The following FSIP1 variants were observed in gnomAD, a reference collection of about 807,000 sequenced individuals.
FSIP1 encodes fibrous sheath-interacting protein 1.
A neutral mutation model predicts 60.9 loss-of-function variants in FSIP1; 65 were observed. The observed-to-expected ratio is 1.07, with a 90% CI of 0.87 to 1.31. The LOEUF (loss-of-function observed/expected upper bound fraction) is 1.31. FSIP1 is among the 40% of genes most tolerant of loss of function. The pLI is 0.00. For missense variants in FSIP1, 675 were observed against 665.5 expected (o/e 1.01, Z -0.16); for synonymous variants, 209 against 221.2 (o/e 0.94, Z 0.49).
chr15:39,690,850 C>A (rs1432203942), intron 10 of FSIP1, among the ~76,000 whole-genome samples: 1 of 152,212 alleles, frequency 6.6e-6, no homozygotes, highest in Non-Finnish European at 1.5e-5. Context: ...CACAAGCCCT[C>A]CTTCATGAGC....
downstream of FSIP1, chr15:39,598,056 G>A (rs1890517626): frequency 6.6e-6 from 1 of 152,224 alleles, no homozygotes; most frequent in Admixed American, 6.5e-5. Flanking sequence ...ATAAATGCGT[G>A]TGTGTCTAAA....
chr15:39,615,651 G>T lies in FSIP1; in HGVS notation c.1699+2084C>A, dbSNP rs143099797. Among the ~76,000 whole-genome samples, 209 of 151,894 alleles carry T rather than the reference G, an allele frequency of 1.4e-3. 2 individuals carry two copies. Among genetic ancestry groups the T allele is most frequent in the African/African-American group, 4.9e-3 (201 of 41,386 alleles). On this transcript the variant is annotated intron_variant, in intron 11 of 11. Transcript: ENST00000350221. ...GCCTGTAATCCCAGTACTTTGGGAG[G>T]CCGAGGTGGGCAGATCAAGAGGTGA...
rs1426282088 is a variant in FSIP1 at position 39,674,243 on chromosome 15, A to G, written c.1188+39201T>C. 2.0e-5 allele frequency among the ~76,000 whole-genome samples: 3 copies of G among 152,162 alleles called. No individual in the cohort carries two copies. In the East Asian group the frequency reaches 5.8e-4, roughly 29 times the overall value. ...CTAATTTTTTGTAGTTTTAGTAGAG[A>G]CAGGGTTTCACCGTGTTAGCCAGGA... On this transcript the variant is annotated intron_variant, in intron 10 of 11. Coordinates refer to ENST00000350221, the MANE Select transcript of FSIP1 (RefSeq NM_152597.5).
intron 10 of FSIP1, among the ~76,000 whole-genome samples, chr15:39,630,531 G>A (rs528472904): frequency 7.9e-5 from 12 of 152,316 alleles, no homozygotes; most frequent in African/African-American, 2.6e-4. Flanking sequence ...TGGGGGTGGG[G>A]CATGGAGGGA....
At chr15:39,780,368 CA>C (rs540551060) in intron 1 of FSIP1, among the ~76,000 whole-genome samples, 54 of 152,042 alleles carry the variant, frequency 3.6e-4, no homozygotes, top group Non-Finnish European at 5.3e-4. Context: ...ACTAAAAATA[CA>C]AAAAAATTAG....
At chr15:39,662,140 T>C (rs915759476) in intron 10 of FSIP1, among the ~76,000 whole-genome samples, 3 of 152,124 alleles carry the variant, frequency 2.0e-5, no homozygotes, top group African/African-American at 7.2e-5. Context: ...CCTCTCTTTC[T>C]GGCTATAGTT....
chr15:39,713,306 C>T (rs1895598438), intron 10 of FSIP1, 138 bp downstream of exon 10: 1 of 647,386 alleles, frequency 1.5e-6, no homozygotes, highest in South Asian at 2.3e-5. Context: ...GTGGCCCACA[C>T]CTGTAATCCT....
chr15:39,699,364 A>C (rs1315910500), intron 10 of FSIP1, among the ~76,000 whole-genome samples: 1 of 152,218 alleles, frequency 6.6e-6, no homozygotes, highest in Non-Finnish European at 1.5e-5. Context: ...ATCCAACAAA[A>C]TTCACAATCT....
chr15:39,617,789 G>T lies in FSIP1; in HGVS notation c.1645C>A (p.Leu549Ile), dbSNP rs759738449. Residue 549 changes from leucine to isoleucine, a missense_variant, in exon 11 of 12, where the codon CTT becomes ATT. Transcript: ENST00000350221. ...DDPLYGISVS[L>I]SSEDQHLKLS... ...TTCAGATGTTGGTCTTCTGATGAAA[G>T]GCTCACACTGATACCATACAGTGGA... The T allele has an allele frequency of 1.1e-5, 18 of 1,613,998 alleles. No individual in the cohort carries two copies. Among genetic ancestry groups the T allele is most frequent in the Admixed American group, 1.7e-5 (1 of 60,016 alleles).
At chr15:39,695,847 C>T (rs1386302383) in intron 10 of FSIP1, among the ~76,000 whole-genome samples, 1 of 152,166 alleles carries the variant, frequency 6.6e-6, no homozygotes, top group Non-Finnish European at 1.5e-5. Context: ...AGTAGACTCA[C>T]TCAAGAAAAA....
downstream of FSIP1, chr15:39,598,759 G>A (rs1055908618): frequency 6.6e-6 from 1 of 151,810 alleles, no homozygotes; most frequent in Admixed American, 6.6e-5. Flanking sequence ...GGGAGAGCTC[G>A]AGTGAAGAGC....
intron 11 of FSIP1, among the ~76,000 whole-genome samples, chr15:39,607,827 T>C (rs1287584071): frequency 6.6e-6 from 1 of 152,244 alleles, no homozygotes; most frequent in Non-Finnish European, 1.5e-5. Context: ...TCTTATTTTC[T>C]TCCTGTCTGC....
intron 10 of FSIP1, among the ~76,000 whole-genome samples, chr15:39,629,290 T>C (rs1595549203): frequency 6.6e-6 from 1 of 152,324 alleles, no homozygotes; most frequent in East Asian, 1.9e-4. Flanking sequence ...CTATCATCTA[T>C]CATCGCCCTC....
At position 39,713,452 on chromosome 15, in the gene FSIP1, C is replaced by T. The variant is rs1363704414; in HGVS notation, c.1180G>A (p.Glu394Lys). 4 of 1,590,412 alleles carry T rather than the reference C, an allele frequency of 2.5e-6. No homozygotes were observed. The highest frequency in any genetic ancestry group is 1.7e-4 in the Middle Eastern group (1 of 5,932). ...AAAACAAAAAGACTTACCACATTTT[C>T]CTTCATCATTTTCAGCTTTTCATCA... ...EIDEKLKMMKENVLESTSCLS... is the reference protein window; with the variant it reads ...EIDEKLKMMKKNVLESTSCLS... The change falls in exon 10 of 12, where the codon GAA (glutamate) becomes AAA (lysine). Residue 394 changes from glutamate to lysine, a missense_variant. By Grantham distance (56) the Glu-to-Lys change is moderately conservative. Coordinates refer to ENST00000350221, the MANE Select transcript of FSIP1 (RefSeq NM_152597.5).
chr15:39,616,066 T>C (rs1049031559), intron 11 of FSIP1, among the ~76,000 whole-genome samples: 5 of 152,210 alleles, frequency 3.3e-5, no homozygotes, highest in Admixed American at 2.0e-4. Flanking sequence ...CACAAATGTA[T>C]ATAATTATGC....
At chr15:39,697,675 T>C (rs1016655391) in intron 10 of FSIP1, among the ~76,000 whole-genome samples, 1 of 152,226 alleles carries the variant, frequency 6.6e-6, no homozygotes, top group Non-Finnish European at 1.5e-5. Flanking sequence ...GTTTCCATCA[T>C]TTTAGATAGA....
At chr15:39,767,412 A>T (rs995848290) in intron 3 of FSIP1, among the ~76,000 whole-genome samples, 30 of 152,222 alleles carry the variant, frequency 2.0e-4, no homozygotes, top group Admixed American at 5.2e-4. Flanking sequence ...GCTAATTTCA[A>T]TTATAATATC....
chr15:39,613,999 C>A (rs1045778760), intron 11 of FSIP1, among the ~76,000 whole-genome samples: 1 of 152,062 alleles, frequency 6.6e-6, no homozygotes, highest in Non-Finnish European at 1.5e-5. Context: ...TCATACTCAA[C>A]GGTGAAAAGT....
At chr15:39,688,454 C>T (rs1208618086) in intron 10 of FSIP1, among the ~76,000 whole-genome samples, 2 of 152,128 alleles carry the variant, frequency 1.3e-5, no homozygotes, top group Non-Finnish European at 1.5e-5. Flanking sequence ...TTCTTGAAAG[C>T]TGTACCTAAA....
Sources: gnomAD v4.1 joint callset for allele counts (sites outside exome capture counted in the v4.1 genomes callset) on GRCh38, gnomAD v4.1.1 for gene constraint, MANE v1.5 for transcripts, NCBI Gene and HGNC (gene_info 2026-07-23, HGNC 2026-07-21) for gene names.